Variants in KLHL18 observed in about 807,000 individuals in gnomAD.
The protein encoded by KLHL18 is kelch-like protein 18.
In KLHL18, 38 loss-of-function variants were observed where a neutral mutation model predicts 58.5. The ratio of observed to expected loss-of-function variants is 0.65; its 90% CI spans 0.50 to 0.85. The LOEUF is 0.85. Among genes scored for constraint, KLHL18 ranks in the 40% least tolerant of loss-of-function variants. KLHL18 has a pLI of 0.00. For missense variants in KLHL18, 624 were observed against 778.4 expected (o/e 0.80, Z 2.36); for synonymous variants, 303 against 301.9 (o/e 1.00, Z -0.04).
chr3:47,304,200 T>A (rs1251671768), intron 1 of KLHL18, among the ~76,000 whole-genome samples: 3 of 152,230 alleles, frequency 2.0e-5, no homozygotes, highest in Non-Finnish European at 4.4e-5. Context: ...GTCTTTCATA[T>A]AAATTTTAGA....
At chr3:47,324,277 C>CTTTTTTTTTTTTTT (rs1342298446) in intron 3 of KLHL18, among the ~76,000 whole-genome samples, 1 of 45,194 alleles carries the variant, frequency 2.2e-5, no homozygotes, top group African/African-American at 6.6e-5. Context: ...AAATGACTTC[C>CTTTTTTTTTTTTTT]TTTTTTCTTT....
chr3:47,308,832 G>A (rs1311186388), intron 1 of KLHL18, among the ~76,000 whole-genome samples: 1 of 151,616 alleles, frequency 6.6e-6, no homozygotes, highest in Non-Finnish European at 1.5e-5. Context: ...GGATTTGGCA[G>A]GGTCACAGGA....
intron 1 of KLHL18, among the ~76,000 whole-genome samples, chr3:47,284,947 T>C (rs1410678632): frequency 6.6e-6 from 1 of 151,834 alleles, no homozygotes; most frequent in Non-Finnish European, 1.5e-5. Context: ...GCCTCCCAAG[T>C]AGCTGGGACT....
At position 47,322,699 on chromosome 3, in the gene KLHL18, T is replaced by C; in HGVS notation, c.392T>C (p.Leu131Pro). Reference sequence around the variant, plus strand: ...ATCAAAGACGCCTGCTGCACATTCCTTCGAGAACGGTGAGGTGATGTGGTG... The same window carrying C: ...ATCAAAGACGCCTGCTGCACATTCCCTCGAGAACGGTGAGGTGATGTGGTG... ...QSIKDACCTFLRERLHPKNCL... is the reference protein window; with the variant it reads ...QSIKDACCTFPRERLHPKNCL... The change falls in exon 3 of 10, where the codon CTT (leucine) becomes CCT (proline). Residue 131 changes from leucine (L) to proline (P), a missense_variant. Coordinates refer to ENST00000232766, the MANE Select transcript of KLHL18 (RefSeq NM_025010.5). 1 of 1,585,932 alleles carries C rather than the reference T, an allele frequency of 6.3e-7. No homozygotes were observed. Among genetic ancestry groups the C allele is most frequent in the Non-Finnish European group, 8.6e-7 (1 of 1,166,532 alleles).
chr3:47,285,988 C>T (rs914498698), intron 1 of KLHL18, among the ~76,000 whole-genome samples: 7 of 149,110 alleles, frequency 4.7e-5, no homozygotes, highest in African/African-American at 1.7e-4. Context: ...TGCAGTGAGC[C>T]GAGATCGTGC....
chr3:47,282,951 C>T lies in KLHL18; in HGVS notation c.-15C>T, dbSNP rs746484170. 3.7e-6 allele frequency: 6 copies of T among 1,605,472 alleles called. No homozygotes were observed. Among genetic ancestry groups the T allele is most frequent in the Non-Finnish European group, 5.1e-6 (6 of 1,176,780 alleles). On this transcript the variant is annotated 5_prime_UTR_variant, in exon 1 of 10. Transcript: ENST00000232766. ...CCGGCCGGCGAGGCCTGCGCAGTTGCAGCGGCCGGGGAAGATGGTGGAGGA... is the reference window on the plus strand; with the variant it reads ...CCGGCCGGCGAGGCCTGCGCAGTTGTAGCGGCCGGGGAAGATGGTGGAGGA...
At position 47,326,816 on chromosome 3, in the gene KLHL18, G is replaced by A. The variant is rs990385519; in HGVS notation, c.402-3135G>A. On this transcript the variant is annotated intron_variant, in intron 3 of 9. Coordinates refer to ENST00000232766, the MANE Select transcript of KLHL18 (RefSeq NM_025010.5). ...GGCACCTGTAATCCCAGCTACTCGG[G>A]AGGGTGAGGCAGGAGAATCGCTTGA... is the stretch of plus-strand genomic sequence containing the variant. 5.3e-5 allele frequency among the ~76,000 whole-genome samples: 8 copies of A among 152,192 alleles called. No individual in the cohort carries two copies. In the South Asian group the frequency reaches 1.5e-3, roughly 28 times the overall value.
intron 1 of KLHL18, among the ~76,000 whole-genome samples, chr3:47,310,731 G>T (rs1342094817): frequency 1.3e-5 from 2 of 152,166 alleles, no homozygotes; most frequent in Non-Finnish European, 2.9e-5. Flanking sequence ...CCAGTAACCT[G>T]GAAGTCATCT....
At chr3:47,322,495 G>A in intron 2 of KLHL18, 73 bp from the exon 3 acceptor site, 1 of 1,434,742 alleles carries the variant, frequency 7.0e-7, no homozygotes, top group Non-Finnish European at 9.3e-7. Flanking sequence ...TGTCAGTTCA[G>A]TTAGGGCCTG....
intron 4 of KLHL18, among the ~76,000 whole-genome samples, chr3:47,332,833 CAG>C: frequency 6.6e-6 from 1 of 151,970 alleles, no homozygotes; most frequent in African/African-American, 2.4e-5. Flanking sequence ...TGCCGGAGTA[CAG>C]AGAGGGTGAT....
At position 47,344,603 on chromosome 3, in the gene KLHL18, T is replaced by TA. The variant is rs1704187890; in HGVS notation, c.*663dup. On this transcript the variant is annotated 3_prime_UTR_variant, in exon 10 of 10. Transcript: ENST00000232766. ...CAGGAGAACAGAAGGGAAAAAAAGA[T>TA]ACTTGAAAGAAACTGAAGGAAATTT... is the stretch of plus-strand genomic sequence containing the variant. The TA allele has an allele frequency of 6.6e-6, 1 of 152,394 alleles. No homozygotes were observed. The highest frequency in any genetic ancestry group is 6.6e-5 in the Admixed American group (1 of 15,256). 9.4% of individuals were successfully genotyped at this position (152,394 alleles called of 1,614,324 possible).
At chr3:47,310,301 G>A (rs575235158) in intron 1 of KLHL18, among the ~76,000 whole-genome samples, 10 of 152,176 alleles carry the variant, frequency 6.6e-5, no homozygotes, top group African/African-American at 2.4e-4. Context: ...ATGCCACATT[G>A]CCTGTCTGGT....
At chr3:47,313,212 T>TC (rs1491260005) in intron 1 of KLHL18, among the ~76,000 whole-genome samples, 1 of 130,760 alleles carries the variant, frequency 7.6e-6, no homozygotes, top group Non-Finnish European at 1.6e-5. Context: ...CCCGGCCTAA[T>TC]TTTTTTTTTT....
At chr3:47,304,821 C>T (rs1011057905) in intron 1 of KLHL18, among the ~76,000 whole-genome samples, 1 of 152,016 alleles carries the variant, frequency 6.6e-6, no homozygotes, top group Non-Finnish European at 1.5e-5. Flanking sequence ...CTCACAAGTC[C>T]AAGACCAGCA....
intron 3 of KLHL18, among the ~76,000 whole-genome samples, chr3:47,324,448 A>G (rs1703668533): frequency 6.6e-6 from 1 of 150,634 alleles, no homozygotes; most frequent in East Asian, 1.9e-4. Flanking sequence ...CCAATGGACA[A>G]CAGCTCCACC....
At chr3:47,298,353 TAAAAAAA>T (rs36006254) in intron 1 of KLHL18, among the ~76,000 whole-genome samples, 8 of 118,558 alleles carry the variant, frequency 6.7e-5, no homozygotes, top group Admixed American at 1.8e-4. Context: ...ATCCTGTCTC[TAAAAAAA>T]AAAAAAAAAA....
At chr3:47,316,475 ATATATATACATATATACATATATATG>A (rs1559495360) in intron 1 of KLHL18, among the ~76,000 whole-genome samples, 1 of 70,636 alleles carries the variant, frequency 1.4e-5, no homozygotes, top group African/African-American at 4.6e-5. Flanking sequence ...ATATATATGT[ATATATATACATATATACATATATATG>A]TATATATATA....
rs141086740 is a variant in KLHL18 at position 47,343,879 on chromosome 3, G to A, written c.1663G>A (p.Ala555Thr). 37 of 1,614,186 alleles carry A rather than the reference G, an allele frequency of 2.3e-5. No homozygotes were observed. In the African/African-American group the frequency reaches 3.3e-4, roughly 15 times the overall value. ...DPETDCWTFM[A>T]PMACHEGGVG... is the part of the protein sequence containing the mutation. ...AGAGACAGACTGCTGGACATTCATGGCCCCCATGGCGTGCCATGAGGGAGG... is the reference window on the plus strand; with the variant it reads ...AGAGACAGACTGCTGGACATTCATGACCCCCATGGCGTGCCATGAGGGAGG... Residue 555 changes from alanine to threonine, a missense_variant, in exon 10 of 10, where the codon GCC becomes ACC. By Grantham distance (58) the Ala-to-Thr change is moderately conservative (BLOSUM62 0). Coordinates refer to ENST00000232766, the MANE Select transcript of KLHL18 (RefSeq NM_025010.5).
chr3:47,297,180 T>A (rs1702914574), intron 1 of KLHL18, among the ~76,000 whole-genome samples: 1 of 152,144 alleles, frequency 6.6e-6, no homozygotes, highest in East Asian at 1.9e-4. Flanking sequence ...AGACCAAAAC[T>A]CCATCACAGA....
Sources: allele counts gnomAD v4.1 joint callset (sites outside exome capture counted in the v4.1 genomes callset), GRCh38; gene constraint gnomAD v4.1.1; transcripts MANE v1.5; gene names NCBI Gene and HGNC (gene_info 2026-07-23, HGNC 2026-07-21).